CTNNB1: variants seen among roughly 807,000 people sequenced by gnomAD.
CTNNB1 encodes the protein catenin beta-1.
A neutral mutation model predicts 82.5 loss-of-function variants in CTNNB1; 6 were observed. The ratio of observed to expected loss-of-function variants is 0.07; its 90% CI spans 0.04 to 0.14. The LOEUF is 0.14. CTNNB1 is among the 10% of genes least tolerant of loss of function. The probability of loss-of-function intolerance (pLI) is 1.00; values close to 1 mark genes in which losing one functional copy is unlikely to be tolerated. For missense variants in CTNNB1, 529 were observed against 980.4 expected, an observed-to-expected ratio of 0.54 and a Z score of 6.15; for synonymous variants, 312 against 329.7, an observed-to-expected ratio of 0.95 and a Z score of 0.58.
intron 1 of CTNNB1, among the ~76,000 whole-genome samples, chr3:41,223,074 C>CAA (rs138678614): frequency 2.0e-5 from 3 of 149,380 alleles, no homozygotes; most frequent in African/African-American, 7.4e-5. Context: ...AACTCTGTCT[C>CAA]AAAAAAAAAC....
rs2125623727 is a variant in CTNNB1, at chr3:41,225,600, G to T, written c.734+28G>T. On this transcript the variant is annotated intron_variant, in intron 5 of 14. Coordinates refer to ENST00000349496, the MANE Select transcript of CTNNB1 (RefSeq NM_001904.4). The surrounding 1 kb of genome is among the most constrained non-coding windows in gnomAD (Gnocchi z 5.3). The stretch of plus-strand genomic sequence containing the variant: ...AAGAAAACATGTCAGAATGCTTGAA[G>T]CTAAAAAGTAGAAGAGTATACTCAC... 3 of 1,613,990 alleles carry T rather than the reference G, an allele frequency of 1.9e-6. No homozygotes were observed. Among genetic ancestry groups the T allele is most frequent in the Non-Finnish European group, 1.7e-6 (2 of 1,179,872 alleles).
rs936090981 is a variant in CTNNB1 at position 41,233,656 on chromosome 3, T to C, written c.1313T>C (p.Val438Ala). The C allele has an allele frequency of 6.2e-7, 1 of 1,614,064 alleles. No homozygotes were observed. Among genetic ancestry groups the C allele is most frequent in the Non-Finnish European group, 8.5e-7 (1 of 1,180,038 alleles). ...AATAATTATAAGAACAAGATGATGG[T>C]CTGCCAAGTGGGTGGTATAGAGGCT... is the stretch of plus-strand genomic sequence containing the variant. Reference protein sequence around the residue: ...TCNNYKNKMMVCQVGGIEALV... With the variant: ...TCNNYKNKMMACQVGGIEALV... Residue 438 changes from valine (V) to alanine (A), a missense_variant, in exon 9 of 15, where the codon GTC becomes GCC. Transcript: ENST00000349496.
intron 3 of CTNNB1, 36 bp downstream of exon 3, chr3:41,224,789 CAG>C: frequency 6.2e-7 from 1 of 1,602,242 alleles, no homozygotes; most frequent in South Asian, 1.1e-5. Context: ...TACTGAAAGT[CAG>C]AATGCAGTTT....
chr3:41,218,021 A>G (rs573438758), intron 1 of CTNNB1, among the ~76,000 whole-genome samples: 2 of 152,056 alleles, frequency 1.3e-5, no homozygotes, highest in Admixed American at 6.6e-5. Context: ...TTCAATTTCG[A>G]CTCATGCTTA....
At chr3:41,233,261 C>T in intron 7 of CTNNB1, 80 bp from the exon 8 acceptor site, 1 of 1,204,226 alleles carries the variant, frequency 8.3e-7, no homozygotes, top group Non-Finnish European at 1.2e-6. Context: ...AGGACACCTC[C>T]TAAGGCTAGA....
At position 41,239,237 on chromosome 3, in the gene CTNNB1, C is replaced by A. The variant is rs767817216; in HGVS notation, c.2241C>A (p.Asp747Glu). The change falls in exon 15 of 15, where the codon GAC becomes GAA. Residue 747 changes from aspartate (D) to glutamate (E), a missense_variant. Transcript: ENST00000349496. ...HEMGGHHPGA[D>E]YPVDGLPDLG... ...TGGGTGGCCACCACCCTGGTGCTGA[C>A]TATCCAGTTGATGGGCTGCCAGATC... 6 of 1,614,228 alleles carry A rather than the reference C, an allele frequency of 3.7e-6. No homozygotes were observed. The highest frequency in any genetic ancestry group is 5.1e-6 in the Non-Finnish European group (6 of 1,180,042).
intron 1 of CTNNB1, among the ~76,000 whole-genome samples, chr3:41,200,679 T>C (rs1368211116): frequency 6.6e-6 from 1 of 152,254 alleles, no homozygotes; most frequent in African/African-American, 2.4e-5. Context: ...AATTCAAGCA[T>C]TGCAACTTCT....
chr3:41,199,773 G>C (rs939362144), intron 1 of CTNNB1, 103 bp downstream of exon 1: 3 of 152,160 alleles, frequency 2.0e-5, no homozygotes, highest in Non-Finnish European at 4.4e-5. Flanking sequence ...GCTGGGCGCA[G>C]CCGGGAGGCC....
intron 1 of CTNNB1, among the ~76,000 whole-genome samples, chr3:41,216,768 T>G (rs1019655137): frequency 6.6e-6 from 1 of 152,260 alleles, no homozygotes; most frequent in Non-Finnish European, 1.5e-5. Flanking sequence ...TATTTGGTTC[T>G]GCAAATGTAT....
Position 41,207,671 on chromosome 3 carries a change from C to CT in CTNNB1, c.-49+8008dup, listed in dbSNP as rs771481438. ...TATCCCCCAGACTCTAATCCTGTTG[C>CT]TTTTTTTGGTCCCCATCTCCCACCT... On this transcript the variant is annotated intron_variant, in intron 1 of 14. Coordinates refer to ENST00000349496, the MANE Select transcript of CTNNB1 (RefSeq NM_001904.4). 1.4e-3 allele frequency among the ~76,000 whole-genome samples: 213 copies of CT among 152,274 alleles called. 2 individuals carry two copies. Among genetic ancestry groups the CT allele is most frequent in the Middle Eastern group, 0.01 (3 of 294 alleles).
At chr3:41,207,818 C>G (rs1291449513) in intron 1 of CTNNB1, among the ~76,000 whole-genome samples, 1 of 152,172 alleles carries the variant, frequency 6.6e-6, no homozygotes, top group Admixed American at 6.6e-5. Flanking sequence ...GCCTTCTCCC[C>G]AAGAATGCTA....
intron 14 of CTNNB1, among the ~76,000 whole-genome samples, 164 bp from the exon 15 acceptor site, chr3:41,238,970 C>T (rs1205869661): frequency 6.6e-6 from 1 of 152,188 alleles, no homozygotes; most frequent in Non-Finnish European, 1.5e-5. Flanking sequence ...AATTACTTGG[C>T]TAAAGAAAGC....
intron 7 of CTNNB1, among the ~76,000 whole-genome samples, chr3:41,232,452 A>G (rs2078332850): frequency 6.6e-6 from 1 of 152,166 alleles, no homozygotes; most frequent in Non-Finnish European, 1.5e-5. Flanking sequence ...GGGTACCATA[A>G]GAATTACAGC....
chr3:41,235,932 T>C (rs944631901), intron 11 of CTNNB1, 89 bp downstream of exon 11: 70 of 1,441,452 alleles, frequency 4.9e-5, no homozygotes, highest in Non-Finnish European at 6.6e-5. Context: ...TTAGGGACCA[T>C]AATAGGGTTA....
At chr3:41,212,749 C>T (rs538181491) in intron 1 of CTNNB1, among the ~76,000 whole-genome samples, 3 of 152,328 alleles carry the variant, frequency 2.0e-5, no homozygotes, top group South Asian at 4.1e-4. Flanking sequence ...TTACATGGCA[C>T]TACATTTAGT....
At chr3:41,213,685 C>T (rs61326996) in intron 1 of CTNNB1, among the ~76,000 whole-genome samples, 2,305 of 152,248 alleles carry the variant, frequency 0.015, 61 homozygotes, top group African/African-American at 0.052. Context: ...ATTAATATCA[C>T]AATCTCGTAA....
chr3:41,239,255 G>T lies in CTNNB1; in HGVS notation c.2259G>T (p.Leu753=). 6.2e-7 allele frequency: 1 copy of T among 1,614,222 alleles called. No individual in the cohort carries two copies. Among genetic ancestry groups the T allele is most frequent in the African/African-American group, 1.3e-5 (1 of 75,062 alleles). ...HPGADYPVDG[L]PDLGHAQDLM... ...GTGCTGACTATCCAGTTGATGGGCTGCCAGATCTGGGGCATGCCCAGGACC... is the reference window on the plus strand; with the variant it reads ...GTGCTGACTATCCAGTTGATGGGCTTCCAGATCTGGGGCATGCCCAGGACC... The change falls in exon 15 of 15, where the codon CTG becomes CTT. Residue 753 remains leucine, a synonymous_variant. Coordinates refer to ENST00000349496, the MANE Select transcript of CTNNB1 (RefSeq NM_001904.4).
At chr3:41,221,429 C>G (rs1050377351) in intron 1 of CTNNB1, 2 of 151,676 alleles carry the variant, frequency 1.3e-5, no homozygotes, top group African/African-American at 4.9e-5. Context: ...TCACTATAAC[C>G]TTGAACTCCT....
intron 10 of CTNNB1, chr3:41,235,504 G>C (rs2078413181): frequency 1.7e-6 from 1 of 604,096 alleles, no homozygotes; most frequent in Non-Finnish European, 2.9e-6. Context: ...TGGAAGCTCT[G>C]TTGCACTGTG....
Sources: allele counts gnomAD v4.1 joint callset (sites outside exome capture counted in the v4.1 genomes callset), GRCh38; gene constraint gnomAD v4.1.1; non-coding constraint Gnocchi (gnomAD v3.1); transcripts MANE v1.5; gene names NCBI Gene and HGNC (gene_info 2026-07-23, HGNC 2026-07-21).